Variants in MBD5 observed in about 807,000 individuals in gnomAD.
MBD5 encodes the protein methyl-CpG binding domain protein 5, also known as methyl-CpG-binding domain protein 5.
MBD5 carries 13 observed loss-of-function variants against 117.3 expected under a neutral mutation model. That is an observed-to-expected ratio of 0.11 (90% confidence interval 0.07 to 0.18). The LOEUF (loss-of-function observed/expected upper bound fraction) is 0.18, where lower values mean the gene tolerates loss of function less well. Among genes scored for constraint, MBD5 ranks in the 10% least tolerant of loss-of-function variants. MBD5 has a pLI of 1.00. For synonymous variants in MBD5, 727 were observed against 766.4 expected (o/e 0.95, Z 0.85); for missense variants, 1,879 against 2,093.8 (o/e 0.90, Z 2.00).
chr2:148,153,134 G>A (rs1697739256), intron 1 of MBD5, among the ~76,000 whole-genome samples: 1 of 151,344 alleles, frequency 6.6e-6, no homozygotes, highest in African/African-American at 2.4e-5. Flanking sequence ...GGGCAGGCCT[G>A]GTGGTGACAA....
intron 1 of MBD5, among the ~76,000 whole-genome samples, chr2:148,158,144 A>G (rs1697917882): frequency 6.6e-6 from 1 of 152,180 alleles, no homozygotes; most frequent in African/African-American, 2.4e-5. Context: ...AATAAAATAA[A>G]TGTTTAATAG....
intron 11 of MBD5, among the ~76,000 whole-genome samples, chr2:148,500,437 A>C (rs1681837705): frequency 6.6e-6 from 1 of 152,166 alleles, no homozygotes; most frequent in Admixed American, 6.5e-5. Flanking sequence ...TCCCATCTGT[A>C]ATAACATAAA....
intron 1 of MBD5, among the ~76,000 whole-genome samples, chr2:148,130,096 T>A (rs1290674220): frequency 2.6e-5 from 4 of 152,214 alleles, no homozygotes; most frequent in Non-Finnish European, 5.9e-5. Context: ...GAACCATGAA[T>A]GTAGAAAGTG....
intron 3 of MBD5, among the ~76,000 whole-genome samples, chr2:148,322,732 GT>G (rs1702315946): frequency 6.6e-6 from 1 of 151,946 alleles, no homozygotes; most frequent in Non-Finnish European, 1.5e-5. Context: ...AGAATTCTTA[GT>G]CCAACTAAAT....
At chr2:148,141,805 GT>G (rs916938271) in intron 1 of MBD5, among the ~76,000 whole-genome samples, 3 of 73,554 alleles carry the variant, frequency 4.1e-5, no homozygotes, top group African/African-American at 9.5e-5. Context: ...AAAAAAAAAT[GT>G]TTTTAATAAA....
At chr2:148,369,260 C>T (rs1172659386) in intron 4 of MBD5, among the ~76,000 whole-genome samples, 1 of 151,262 alleles carries the variant, frequency 6.6e-6, no homozygotes, top group African/African-American at 2.4e-5. Flanking sequence ...CACTTAACAA[C>T]TAAATGTCAT....
Position 148,290,112 on chromosome 2 carries a change from C to T in MBD5, c.-679-52102C>T, listed in dbSNP as rs756557169. ...CTGGGATTACAGGTGCCCACCACCACGCCCAGCTAATTTTTTTGTATTTTT... is the reference window on the plus strand; with the variant it reads ...CTGGGATTACAGGTGCCCACCACCATGCCCAGCTAATTTTTTTGTATTTTT... On this transcript the variant is annotated intron_variant, in intron 3 of 13. Transcript: ENST00000642680. Among the ~76,000 whole-genome samples the T allele has an allele frequency of 7.1e-4, 107 of 149,884 alleles. 1 individual carries two copies. The highest frequency in any genetic ancestry group is 9.4e-4 in the Admixed American group (14 of 14,900).
chr2:148,318,660 G>C (rs1242111745), intron 3 of MBD5, among the ~76,000 whole-genome samples: 3 of 151,746 alleles, frequency 2.0e-5, no homozygotes, highest in Non-Finnish European at 4.4e-5. Flanking sequence ...AAATTCTTAC[G>C]CATATGGCTA....
chr2:148,122,345 T>G (rs889014056), intron 1 of MBD5, among the ~76,000 whole-genome samples: 5 of 152,160 alleles, frequency 3.3e-5, no homozygotes, highest in Non-Finnish European at 7.4e-5. Context: ...GTGGAAGTAT[T>G]TTGGTAGAAA....
At chr2:148,398,478 A>C (rs948948557) in intron 4 of MBD5, among the ~76,000 whole-genome samples, 44 of 152,030 alleles carry the variant, frequency 2.9e-4, no homozygotes, top group African/African-American at 1.0e-3. Flanking sequence ...TCATATCCTT[A>C]GCCCACTTTT....
intron 4 of MBD5, among the ~76,000 whole-genome samples, chr2:148,375,493 A>T (rs1255644014): frequency 6.6e-6 from 1 of 152,198 alleles, no homozygotes; most frequent in East Asian, 1.9e-4. Context: ...CAACAAATCA[A>T]ATCCCTCAGG....
intron 3 of MBD5, among the ~76,000 whole-genome samples, chr2:148,316,378 C>G (rs1177226034): frequency 1.3e-5 from 2 of 152,106 alleles, no homozygotes; most frequent in African/African-American, 4.8e-5. Flanking sequence ...AAGAGTTTGT[C>G]ATGCTGAGAA....
chr2:148,447,972 C>G (rs895350441), intron 4 of MBD5, among the ~76,000 whole-genome samples: 1 of 151,924 alleles, frequency 6.6e-6, no homozygotes, highest in Admixed American at 6.6e-5. Flanking sequence ...ACACTCTATG[C>G]CTCATTTGGT....
chr2:148,251,533 G>T (rs76889901), intron 3 of MBD5, among the ~76,000 whole-genome samples: 19,275 of 152,184 alleles, frequency 0.13, 1,481 homozygotes, highest in Non-Finnish European at 0.18. Flanking sequence ...TCAGTAACTT[G>T]TACCTCATAA....
At chr2:148,354,547 G>A (rs1200763215) in intron 4 of MBD5, among the ~76,000 whole-genome samples, 1 of 152,124 alleles carries the variant, frequency 6.6e-6, no homozygotes, top group Non-Finnish European at 1.5e-5. Flanking sequence ...CCAGGTCTTT[G>A]CTATTGCGAA....
intron 1 of MBD5, among the ~76,000 whole-genome samples, chr2:148,082,368 T>C (rs1352940484): frequency 6.6e-6 from 1 of 152,216 alleles, no homozygotes; most frequent in Non-Finnish European, 1.5e-5. Context: ...TTATTCCTTT[T>C]GACTGTAACA....
chr2:148,344,047 C>T (rs779668201), intron 4 of MBD5, among the ~76,000 whole-genome samples: 7 of 152,008 alleles, frequency 4.6e-5, no homozygotes, highest in Non-Finnish European at 7.4e-5. Flanking sequence ...CCAAGCTATT[C>T]CATCACCATG....
intron 3 of MBD5, among the ~76,000 whole-genome samples, chr2:148,323,120 T>A (rs1702334495): frequency 1.3e-5 from 2 of 151,742 alleles, no homozygotes; most frequent in South Asian, 4.2e-4. Flanking sequence ...CTTGCGATAG[T>A]TTACTGAGAA....
At chr2:148,292,829 A>G (rs1379405683) in intron 3 of MBD5, among the ~76,000 whole-genome samples, 3 of 152,110 alleles carry the variant, frequency 2.0e-5, no homozygotes, top group Non-Finnish European at 4.4e-5. Flanking sequence ...CTAAGTGTTC[A>G]TCAGCAGATG....
Sources: gnomAD v4.1 joint callset for allele counts (sites outside exome capture counted in the v4.1 genomes callset) on GRCh38, gnomAD v4.1.1 for gene constraint, MANE v1.5 for transcripts, NCBI Gene and HGNC (gene_info 2026-07-23, HGNC 2026-07-21) for gene names.